The following HERC5 variants were observed in gnomAD, a reference collection of about 807,000 sequenced individuals.
HERC5 encodes the protein HECT and RLD domain containing E3 ubiquitin protein ligase 5.
Under a neutral mutation model 119.6 loss-of-function variants are expected in HERC5, and 99 were observed. That is an observed-to-expected ratio of 0.83 (90% confidence interval 0.70 to 0.98). The LOEUF is 0.98. Ranked by LOEUF, HERC5 falls within the 50% of genes least tolerant of loss-of-function variation. HERC5 has a pLI of 0.00. For missense variants in HERC5, 1,267 were observed against 1,241.3 expected, an observed-to-expected ratio of 1.02 and a Z score of -0.31; for synonymous variants, 478 against 445.9, an observed-to-expected ratio of 1.07 and a Z score of -0.91.
chr4:88,471,613 A>C (rs2149092886), intron 10 of HERC5, among the ~76,000 whole-genome samples: 1 of 152,192 alleles, frequency 6.6e-6, no homozygotes, highest in African/African-American at 2.4e-5. Context: ...TGTTGGGATT[A>C]TAGGTGTGAG....
rs748469924 is a variant in HERC5 at position 88,463,573 on chromosome 4, A to G, written c.730A>G (p.Lys244Glu). Residue 244 changes from lysine to glutamate, a missense_variant, in exon 5 of 23, where the codon AAA becomes GAA. Physicochemically the swap from Lys to Glu is moderately conservative, Grantham distance 56. This residue lies in a region of HERC5 where 777 missense variants were observed against 758.0 expected (regional missense o/e 1.03). Transcript: ENST00000264350. Reference sequence around the variant, plus strand: ...CCTTATTGAAGGACTAGACAATCAGAAAGTTGAATTTGTCGCTTGTGGTGG... The same window carrying G: ...CCTTATTGAAGGACTAGACAATCAGGAAGTTGAATTTGTCGCTTGTGGTGG... ...PSLIEGLDNQ[K>E]VEFVACGGSH... The G allele has an allele frequency of 3.1e-6, 5 of 1,613,792 alleles. No individual in the cohort carries two copies. The highest frequency in any genetic ancestry group is 1.1e-5 in the South Asian group (1 of 91,058).
intron 13 of HERC5, among the ~76,000 whole-genome samples, chr4:88,480,918 T>C (rs562997798): frequency 9.2e-5 from 14 of 152,376 alleles, no homozygotes; most frequent in African/African-American, 3.4e-4. Flanking sequence ...GTCAATGATA[T>C]GTGTTGCAAA....
In HERC5 at chr4:88,457,247, G is replaced by A; in HGVS notation, c.-23G>A. ...AGGCGTTCTCTCCTCTCGCCTCTGG[G>A]CCTGGGACCCCGCAAAGCGGCGATG... On this transcript the variant is annotated 5_prime_UTR_variant, in exon 1 of 23. Coordinates refer to ENST00000264350, the MANE Select transcript of HERC5 (RefSeq NM_016323.4). The A allele has an allele frequency of 1.5e-6, 2 of 1,318,982 alleles. No homozygotes were observed. The highest frequency in any genetic ancestry group is 1.9e-6 in the Non-Finnish European group (2 of 1,034,668). The allele number at this position is 1,318,982 out of a possible 1,614,324, so 81.7% of individuals were successfully genotyped here.
At chr4:88,467,977 A>G (rs1199826391) in intron 7 of HERC5, 20 of 632,906 alleles carry the variant, frequency 3.2e-5, no homozygotes, top group Non-Finnish European at 3.9e-5. Context: ...ATGGGCTTAA[A>G]GTACTTATAT....
At chr4:88,492,100 T>G (rs1012905818) in intron 16 of HERC5, among the ~76,000 whole-genome samples, 1 of 151,792 alleles carries the variant, frequency 6.6e-6, no homozygotes, top group African/African-American at 2.4e-5. Context: ...ATCTCCCGGG[T>G]TCAAGTGAGT....
rs542661932 is a variant in HERC5 at position 88,471,517 on chromosome 4, T to C, written c.1298+844T>C. 9.2e-5 allele frequency among the ~76,000 whole-genome samples: 14 copies of C among 151,720 alleles called. No individual in the cohort carries two copies. In the South Asian group the frequency reaches 2.7e-3, roughly 29 times the overall value. ...CACCACCTCCTGCTAATTTTTTAGCTTTTGTAAAGACAGCAGCTTTGCTAT... is the reference window on the plus strand; with the variant it reads ...CACCACCTCCTGCTAATTTTTTAGCCTTTGTAAAGACAGCAGCTTTGCTAT... On this transcript the variant is annotated intron_variant, in intron 10 of 22. Coordinates refer to ENST00000264350, the MANE Select transcript of HERC5 (RefSeq NM_016323.4).
chr4:88,502,921 A>G (rs1741988838), intron 20 of HERC5, among the ~76,000 whole-genome samples: 1 of 151,276 alleles, frequency 6.6e-6, no homozygotes, highest in Non-Finnish European at 1.5e-5. Context: ...TGTTGGTTAT[A>G]TGTACTGCAG....
At chr4:88,470,081 CT>C (rs1740816930) in intron 9 of HERC5, among the ~76,000 whole-genome samples, 1 of 152,218 alleles carries the variant, frequency 6.6e-6, no homozygotes, top group South Asian at 2.1e-4. Context: ...CAAACATCAT[CT>C]TTTAGAAATA....
chr4:88,503,894 A>G (rs1742022139), intron 20 of HERC5, among the ~76,000 whole-genome samples: 1 of 152,026 alleles, frequency 6.6e-6, no homozygotes, highest in Non-Finnish European at 1.5e-5. Context: ...GTAAAACCCC[A>G]TCTCTACTAA....
rs1313223948 is a variant in HERC5, at chr4:88,462,136, T to A, written c.468T>A (p.Gly156=). 4.3e-6 allele frequency: 7 copies of A among 1,613,304 alleles called. No individual in the cohort carries two copies. Among genetic ancestry groups the A allele is most frequent in the Non-Finnish European group, 5.1e-6 (6 of 1,179,632 alleles). The change falls in exon 4 of 23, where the codon GGT becomes GGA. Residue 156 remains glycine (G), a splice_region_variant and synonymous_variant. Transcript: ENST00000264350. ...AGCATTTGCTTTGTTTATGTCAAGG[T>A]GGTGAGCTTTTTGCCTGGGGACAGA... The part of the protein sequence containing the change: ...GDYHSLALSK[G]GELFAWGQNL...
At chr4:88,486,039 G>A (rs1741450384) in intron 13 of HERC5, 76 bp from the exon 14 acceptor site, 1 of 767,842 alleles carries the variant, frequency 1.3e-6, no homozygotes, top group African/African-American at 1.8e-5. Flanking sequence ...AATTTAATCT[G>A]ATAATCTAAT....
At chr4:88,488,187 A>G (rs549353209) in intron 15 of HERC5, among the ~76,000 whole-genome samples, 2 of 152,130 alleles carry the variant, frequency 1.3e-5, no homozygotes, top group Admixed American at 6.5e-5. Flanking sequence ...TCGTAGAAGT[A>G]ATATTTGACT....
rs1489819264 is a variant in HERC5, at chr4:88,463,521, TC to T, written c.689-9del. On this transcript the variant is annotated splice_polypyrimidine_tract_variant and intron_variant, in intron 4 of 22. Transcript: ENST00000264350. Reference sequence around the variant, plus strand: ...CTTTTGGTCACTTCAGCTATTTTTTTCCTTACATAGGTAAAGATGATCCATC... The same window carrying T: ...CTTTTGGTCACTTCAGCTATTTTTTTCTTACATAGGTAAAGATGATCCATC... 5 of 1,596,162 alleles carry T rather than the reference TC, an allele frequency of 3.1e-6. No homozygotes were observed. Among genetic ancestry groups the T allele is most frequent in the Non-Finnish European group, 4.3e-6 (5 of 1,164,830 alleles).
chr4:88,460,290 T>C, intron 3 of HERC5, 119 bp downstream of exon 3: 1 of 494,834 alleles, frequency 2.0e-6, no homozygotes, highest in Non-Finnish European at 3.6e-6. Context: ...GAATTTGATA[T>C]GGTTCCGAGT....
At chr4:88,493,363 A>C (rs935887351) in intron 17 of HERC5, among the ~76,000 whole-genome samples, 5 of 152,304 alleles carry the variant, frequency 3.3e-5, no homozygotes, top group Admixed American at 2.0e-4. Context: ...CATCGAACTC[A>C]AGCAATATAT....
At chr4:88,471,007 C>T (rs1412497599) in intron 10 of HERC5, among the ~76,000 whole-genome samples, 1 of 150,520 alleles carries the variant, frequency 6.6e-6, no homozygotes, top group African/African-American at 2.5e-5. Flanking sequence ...CTTGCCCTGT[C>T]GTTGCCCATG....
At chr4:88,500,013 A>G (rs751988901) in intron 19 of HERC5, 21 bp downstream of exon 19, 2 of 1,457,666 alleles carry the variant, frequency 1.4e-6, no homozygotes, top group Non-Finnish European at 1.9e-6. Flanking sequence ...ATAAAAGCAG[A>G]TAACAGATTA....
At chr4:88,464,815 G>A (rs903269174) in intron 6 of HERC5, among the ~76,000 whole-genome samples, 3 of 152,086 alleles carry the variant, frequency 2.0e-5, no homozygotes, top group Non-Finnish European at 4.4e-5. Context: ...CTGCTGCAAA[G>A]GCTGGAGTGC....
chr4:88,481,472 G>A (rs184786312), intron 13 of HERC5, among the ~76,000 whole-genome samples: 1 of 151,938 alleles, frequency 6.6e-6, no homozygotes, highest in Non-Finnish European at 1.5e-5. Flanking sequence ...TGCTTTTATG[G>A]TGTTTTTTGA....
Sources: gnomAD v4.1 joint callset for allele counts (sites outside exome capture counted in the v4.1 genomes callset) on GRCh38, gnomAD v4.1.1 for gene constraint, gnomAD v4.1.1 regional missense constraint, MANE v1.5 for transcripts, NCBI Gene and HGNC (gene_info 2026-07-23, HGNC 2026-07-21) for gene names.